Variants in NEURL1B observed in about 807,000 individuals in gnomAD.
NEURL1B encodes neuralized E3 ubiquitin protein ligase 1B, also known as E3 ubiquitin-protein ligase NEURL1B.
NEURL1B carries 13 observed loss-of-function variants against 37.4 expected under a neutral mutation model. That is an observed-to-expected ratio of 0.35 (90% CI 0.23 to 0.55). NEURL1B has a LOEUF of 0.55. Ranked by LOEUF, NEURL1B falls within the 20% of genes least tolerant of loss-of-function variation. The probability of loss-of-function intolerance (pLI) is 0.89; values close to 1 mark genes in which losing one functional copy is unlikely to be tolerated. For missense variants in NEURL1B, 790 were observed against 879.2 expected, an observed-to-expected ratio of 0.90 and a Z score of 1.28; for synonymous variants, 432 against 426.6, an observed-to-expected ratio of 1.01 and a Z score of -0.16.
At position 172,686,507 on chromosome 5, in the gene NEURL1B, G is replaced by C. The variant is rs1010211965; in HGVS notation, c.1424-174G>C. 6.6e-6 allele frequency among the ~76,000 whole-genome samples: 1 copy of C among 152,180 alleles called. No homozygotes were observed. The highest frequency in any genetic ancestry group is 2.4e-5 in the African/African-American group (1 of 41,442). On this transcript the variant is annotated intron_variant, in intron 4 of 4. Transcript: ENST00000369800. This position sits in a 1 kb window ranked among gnomAD's most constrained non-coding sequence, Gnocchi z 7.9. ...ATGGTGGCATTTTATCTTGGTGTTT[G>C]GGAGTAGAAGAGTAGAGAAAGGTGC...
chr5:172,672,678 C>A (rs1034117431), intron 2 of NEURL1B, among the ~76,000 whole-genome samples: 1 of 152,046 alleles, frequency 6.6e-6, no homozygotes. Context: ...ATCTACAAGT[C>A]GTCCCTGAGC....
At chr5:172,673,984 C>T (rs1758180741) in intron 2 of NEURL1B, among the ~76,000 whole-genome samples, 1 of 151,788 alleles carries the variant, frequency 6.6e-6, no homozygotes, top group Non-Finnish European at 1.5e-5. Flanking sequence ...ACTAAAAATA[C>T]AAAAAATTAA....
Position 172,658,648 on chromosome 5 carries a change from G to A in NEURL1B, c.32-11137G>A, listed in dbSNP as rs536419961. Among the ~76,000 whole-genome samples, 13 of 152,208 alleles carry A rather than the reference G, an allele frequency of 8.5e-5. No homozygotes were observed. In the East Asian group the frequency reaches 2.5e-3, roughly 29 times the overall value. ...CCATAGCATCTTTGTCATAGCCTTG[G>A]GAGCCAGGCTGGTATGAGTTCAAAC... On this transcript the variant is annotated intron_variant, in intron 1 of 4. Coordinates refer to ENST00000369800, the MANE Select transcript of NEURL1B (RefSeq NM_001142651.3).
intron 2 of NEURL1B, among the ~76,000 whole-genome samples, chr5:172,679,159 A>T (rs1758297701): frequency 6.6e-6 from 1 of 152,248 alleles, no homozygotes; most frequent in Non-Finnish European, 1.5e-5. Flanking sequence ...CGACAACAGC[A>T]GCATTGGGAG....
intron 2 of NEURL1B, among the ~76,000 whole-genome samples, chr5:172,681,828 G>C (rs1021799380): frequency 6.6e-6 from 1 of 152,202 alleles, no homozygotes; most frequent in African/African-American, 2.4e-5. Flanking sequence ...CTATAGAATG[G>C]TAACATTTAA....
intron 1 of NEURL1B, among the ~76,000 whole-genome samples, chr5:172,666,999 C>A (rs994182338): frequency 1.3e-5 from 2 of 152,070 alleles, no homozygotes; most frequent in Admixed American, 1.3e-4. Context: ...CAGGCAGCAA[C>A]TGGTGTTTAT....
At chr5:172,648,918 C>A (rs1362950190) in intron 1 of NEURL1B, among the ~76,000 whole-genome samples, 1 of 152,174 alleles carries the variant, frequency 6.6e-6, no homozygotes, top group African/African-American at 2.4e-5. Context: ...GAGCTGATGC[C>A]CTGAGGGCTT....
At chr5:172,651,162 T>G (rs1422994718) in intron 1 of NEURL1B, among the ~76,000 whole-genome samples, 1 of 152,232 alleles carries the variant, frequency 6.6e-6, no homozygotes, top group Non-Finnish European at 1.5e-5. Context: ...CAACTCCCCT[T>G]GTATTTCCTT....
chr5:172,684,908 T>A (rs1343494618), intron 3 of NEURL1B, among the ~76,000 whole-genome samples: 1 of 152,216 alleles, frequency 6.6e-6, no homozygotes, highest in East Asian at 1.9e-4. Context: ...TGGCTCCAAC[T>A]TCATGGCTCA....
chr5:172,651,509 T>G (rs576634823), intron 1 of NEURL1B, among the ~76,000 whole-genome samples: 34 of 152,352 alleles, frequency 2.2e-4, no homozygotes, highest in African/African-American at 7.5e-4. Context: ...TGCAATGCCT[T>G]TGTTATACTT....
Position 172,687,772 on chromosome 5 carries a change from G to A in NEURL1B, c.*847G>A, listed in dbSNP as rs778657530. The A allele has an allele frequency of 1.3e-5, 2 of 152,054 alleles. No individual in the cohort carries two copies. The highest frequency in any genetic ancestry group is 2.9e-5 in the Non-Finnish European group (2 of 68,036). 9.4% of individuals were successfully genotyped at this position (152,054 alleles called of 1,614,324 possible). A position where few individuals can be genotyped will look rare whatever the true frequency, so the allele number is the denominator to read the frequency against. On this transcript the variant is annotated 3_prime_UTR_variant, in exon 5 of 5. Transcript: ENST00000369800. Reference sequence around the variant, plus strand: ...CCTATCTCCAAGGAGAAGACCAGCAGTAAGTTCTGTTTTTCTGTGGGAGAG... The same window carrying A: ...CCTATCTCCAAGGAGAAGACCAGCAATAAGTTCTGTTTTTCTGTGGGAGAG...
At chr5:172,668,790 C>A (rs1264707990) in intron 1 of NEURL1B, among the ~76,000 whole-genome samples, 1 of 152,176 alleles carries the variant, frequency 6.6e-6, no homozygotes, top group Non-Finnish European at 1.5e-5. Context: ...CCAGGAACCG[C>A]CCCTAGGATG....
chr5:172,681,229 CA>C, intron 2 of NEURL1B, among the ~76,000 whole-genome samples: 1 of 152,210 alleles, frequency 6.6e-6, no homozygotes, highest in East Asian at 1.9e-4. Context: ...GACACAAATC[CA>C]AACCATATCA....
intron 1 of NEURL1B, among the ~76,000 whole-genome samples, chr5:172,649,974 GA>G (rs1419559235): frequency 1.3e-5 from 2 of 151,640 alleles, no homozygotes; most frequent in South Asian, 2.1e-4. Context: ...GCAAGGGGGG[GA>G]AAGTTCTTTA....
At chr5:172,672,130 T>G (rs7716085) in intron 2 of NEURL1B, among the ~76,000 whole-genome samples, 31,850 of 152,152 alleles carry the variant, frequency 0.21, 4,652 homozygotes, top group African/African-American at 0.42. Context: ...AGCTAAGAAA[T>G]AAGAAGCTCT....
At position 172,665,156 on chromosome 5, in the gene NEURL1B, C is replaced by T. The variant is rs552317500; in HGVS notation, c.32-4629C>T. 2.0e-5 allele frequency among the ~76,000 whole-genome samples: 3 copies of T among 152,302 alleles called. No homozygotes were observed. The highest frequency in any genetic ancestry group is 6.5e-5 in the Admixed American group (1 of 15,296). On this transcript the variant is annotated intron_variant, in intron 1 of 4. Coordinates refer to ENST00000369800, the MANE Select transcript of NEURL1B (RefSeq NM_001142651.3). The surrounding 1 kb of genome is among the most constrained non-coding windows in gnomAD (Gnocchi z 4.1). ...ATAATCAAATAAGGGTGGCCATGGA[C>T]GCTGGTGCTCAGAAGGGCTTTTGAT...
At chr5:172,680,720 A>G (rs1394879219) in intron 2 of NEURL1B, among the ~76,000 whole-genome samples, 1 of 152,228 alleles carries the variant, frequency 6.6e-6, no homozygotes, top group African/African-American at 2.4e-5. Flanking sequence ...TTTCCTATGA[A>G]TCCTATGCAC....
In NEURL1B at chr5:172,661,824, T is replaced by C. The variant is rs1757908156; in HGVS notation, c.32-7961T>C. 6.6e-6 allele frequency among the ~76,000 whole-genome samples: 1 copy of C among 152,186 alleles called. No individual in the cohort carries two copies. The highest frequency in any genetic ancestry group is 2.4e-5 in the African/African-American group (1 of 41,444). On this transcript the variant is annotated intron_variant, in intron 1 of 4. Coordinates refer to ENST00000369800, the MANE Select transcript of NEURL1B (RefSeq NM_001142651.3). The surrounding 1 kb of genome is among the most constrained non-coding windows in gnomAD (Gnocchi z 4.0). ...TAACTGCCATTTCCTTGGGCTCTTT[T>C]TAGATCAAAGGAAGGGCTAGGCTGG...
chr5:172,686,174 C>A lies in NEURL1B; in HGVS notation c.1301C>A (p.Thr434Asn). Residue 434 changes from threonine (T) to asparagine (N), a missense_variant, in exon 4 of 5, where the codon ACC (threonine) becomes AAC (asparagine). Thr to Asn is a moderately conservative substitution (Grantham distance 65, BLOSUM62 0). This residue lies in a region of NEURL1B where 460 missense variants were observed against 407.4 expected (regional missense o/e 1.13). Coordinates refer to ENST00000369800, the MANE Select transcript of NEURL1B (RefSeq NM_001142651.3). The surrounding 1 kb of genome is among the most constrained non-coding windows in gnomAD (Gnocchi z 7.9). ...GVAGQLRLLGTLQSSPATTTP... is the reference protein window; with the variant it reads ...GVAGQLRLLGNLQSSPATTTP... ...ATGGAATCTCTTTGGGCCTCAGGTACCCTGCAGTCCAGCCCTGCGACCACG... is the reference window on the plus strand; with the variant it reads ...ATGGAATCTCTTTGGGCCTCAGGTAACCTGCAGTCCAGCCCTGCGACCACG... The A allele has an allele frequency of 6.4e-7, 1 of 1,551,552 alleles. No homozygotes were observed. The highest frequency in any genetic ancestry group is 8.7e-7 in the Non-Finnish European group (1 of 1,146,920).
Sources: gnomAD v4.1 joint callset for allele counts (sites outside exome capture counted in the v4.1 genomes callset) on GRCh38, gnomAD v4.1.1 for gene constraint, gnomAD v4.1.1 regional missense constraint, Gnocchi (gnomAD v3.1) non-coding constraint, MANE v1.5 for transcripts, NCBI Gene and HGNC (gene_info 2026-07-23, HGNC 2026-07-21) for gene names.